The following PLXNA2 variants were observed in gnomAD, a reference collection of about 807,000 sequenced individuals.
PLXNA2 encodes plexin A2.
Under a neutral mutation model 193.5 loss-of-function variants are expected in PLXNA2, and 91 were observed. The ratio of observed to expected loss-of-function variants is 0.47; its 90% CI spans 0.40 to 0.56. The LOEUF (loss-of-function observed/expected upper bound fraction) is 0.56, where lower values mean the gene tolerates loss of function less well. Among genes scored for constraint, PLXNA2 ranks in the 20% least tolerant of loss-of-function variants. The pLI, the probability that PLXNA2 is intolerant of heterozygous loss-of-function variation, is 0.00. For synonymous variants in PLXNA2, 997 were observed against 1,027.3 expected, an observed-to-expected ratio of 0.97 and a Z score of 0.56; for missense variants, 1,995 against 2,503.2, an observed-to-expected ratio of 0.80 and a Z score of 4.33.
In PLXNA2 at chr1:208,027,027, C is replaced by T. The variant is rs1664361376; in HGVS notation, c.*216G>A. On this transcript the variant is annotated 3_prime_UTR_variant, in exon 32 of 32. Transcript: ENST00000367033. ...GGCCCCGGGTTCTCTGGTGTTCTCA[C>T]TGAGGATGGACGACGCCCACTGTCT... 1 of 497,738 alleles carries T rather than the reference C, an allele frequency of 2.0e-6. No homozygotes were observed. The highest frequency in any genetic ancestry group is 3.6e-6 in the Non-Finnish European group (1 of 276,428). 30.8% of individuals were successfully genotyped at this position (497,738 alleles called of 1,614,324 possible).
intron 1 of PLXNA2, among the ~76,000 whole-genome samples, chr1:208,227,749 G>A (rs1204448812): frequency 1.3e-5 from 2 of 152,116 alleles, no homozygotes; most frequent in African/African-American, 2.4e-5. Context: ...GCCTTTCAGA[G>A]CAATTCCAAA....
chr1:208,081,223 A>G (rs1156917662), intron 11 of PLXNA2, among the ~76,000 whole-genome samples: 7 of 152,216 alleles, frequency 4.6e-5, no homozygotes, highest in Admixed American at 4.6e-4. Context: ...ATGAGGAGAA[A>G]TAGAAAAAAA....
At chr1:208,211,689 T>G (rs1670958121) in intron 2 of PLXNA2, among the ~76,000 whole-genome samples, 1 of 95,054 alleles carries the variant, frequency 1.1e-5, no homozygotes, top group Non-Finnish European at 2.4e-5. Context: ...CGAGACTCCG[T>G]CTCAAAAAAA....
At chr1:208,072,044 A>C (rs1665994593) in intron 12 of PLXNA2, among the ~76,000 whole-genome samples, 1 of 152,274 alleles carries the variant, frequency 6.6e-6, no homozygotes, top group Non-Finnish European at 1.5e-5. Context: ...AACAGGAGCC[A>C]GCAGGAGTGA....
intron 3 of PLXNA2, among the ~76,000 whole-genome samples, chr1:208,151,448 C>G (rs1349650083): frequency 6.6e-6 from 1 of 152,076 alleles, no homozygotes; most frequent in African/African-American, 2.4e-5. Flanking sequence ...GCCTTTCTCA[C>G]CAAGCTCTGG....
At chr1:208,074,909 A>G (rs537522045) in intron 12 of PLXNA2, among the ~76,000 whole-genome samples, 2 of 152,324 alleles carry the variant, frequency 1.3e-5, no homozygotes, top group Non-Finnish European at 2.9e-5. Flanking sequence ...GCTGGGGACA[A>G]GGAGGTCTGC....
At chr1:208,234,523 A>G (rs1016669752) in intron 1 of PLXNA2, among the ~76,000 whole-genome samples, 12 of 152,174 alleles carry the variant, frequency 7.9e-5, no homozygotes, top group African/African-American at 2.4e-4. Context: ...TTCTTGGCCT[A>G]CTAGAAGACA....
intron 3 of PLXNA2, among the ~76,000 whole-genome samples, chr1:208,176,822 C>T (rs1296463482): frequency 6.6e-6 from 1 of 152,226 alleles, no homozygotes; most frequent in Non-Finnish European, 1.5e-5. Flanking sequence ...CAGTGTAGCC[C>T]TAGCCTGCCT....
In PLXNA2 at chr1:208,236,306, G is replaced by T. The variant is rs1671849414; in HGVS notation, c.-81+7337C>A. Among the ~76,000 whole-genome samples, 1 of 152,214 alleles carries T rather than the reference G, an allele frequency of 6.6e-6. No homozygotes were observed. The highest frequency in any genetic ancestry group is 2.1e-4 in the South Asian group (1 of 4,832). ...GGGAAACCGGGGAGCAGTCAGGGGA[G>T]GTGGGAGGTCAGAGGCCAACGTAAT... On this transcript the variant is annotated intron_variant, in intron 1 of 31. Coordinates refer to ENST00000367033, the MANE Select transcript of PLXNA2 (RefSeq NM_025179.4). The surrounding 1 kb of genome is among the most constrained non-coding windows in gnomAD (Gnocchi z 4.4).
At chr1:208,057,492 C>G (rs551864962) in intron 13 of PLXNA2, among the ~76,000 whole-genome samples, 19 of 152,306 alleles carry the variant, frequency 1.2e-4, no homozygotes, top group Middle Eastern at 3.4e-3. Flanking sequence ...TCCTCAGGTT[C>G]TGAGAGCTAA....
At chr1:208,032,021 G>C (rs943665751) in intron 28 of PLXNA2, 2 of 985,164 alleles carry the variant, frequency 2.0e-6, no homozygotes, top group African/African-American at 3.5e-5. Context: ...GTAGGCTCAG[G>C]GTCTTTGACA....
intron 3 of PLXNA2, among the ~76,000 whole-genome samples, chr1:208,171,051 G>A (rs1013501115): frequency 1.3e-5 from 2 of 152,158 alleles, no homozygotes; most frequent in South Asian, 4.1e-4. Flanking sequence ...AATGCAGGCT[G>A]TAACGAGTGG....
rs946072804 is a variant in PLXNA2 at position 208,098,342 on chromosome 1, T to A, written c.1731+504A>T. On this transcript the variant is annotated intron_variant, in intron 6 of 31. Transcript: ENST00000367033. ...ATATTTTGGGTTGTACCTTGATAGA[T>A]AGTTAAGGGCTATTTTATTCTCTTT... Among the ~76,000 whole-genome samples, 3 of 152,200 alleles carry A rather than the reference T, an allele frequency of 2.0e-5. No homozygotes were observed. In the East Asian group the frequency reaches 5.8e-4, roughly 29 times the overall value.
chr1:208,232,996 T>C lies in PLXNA2; in HGVS notation c.-81+10647A>G, dbSNP rs368415038. 6.6e-4 allele frequency among the ~76,000 whole-genome samples: 100 copies of C among 152,358 alleles called. 2 individuals are homozygous for C. The South Asian group carries it at 0.019, about 29-fold the overall frequency. On this transcript the variant is annotated intron_variant, in intron 1 of 31. Transcript: ENST00000367033. Reference sequence around the variant, plus strand: ...TATCAGCTACGATACCTTTCTGCTCTATGCAGGAATCTCTTCTTGAGACCT... The same window carrying C: ...TATCAGCTACGATACCTTTCTGCTCCATGCAGGAATCTCTTCTTGAGACCT...
In PLXNA2 at chr1:208,024,617, C is replaced by T. The variant is rs1664284148; in HGVS notation, c.*2626G>A. ...CTTCACTCTCCACCCTCCAATTGGC[C>T]ATTGCCCCATCATTCTCCACGCTCT... is the stretch of plus-strand genomic sequence containing the variant. On this transcript the variant is annotated 3_prime_UTR_variant, in exon 32 of 32. Coordinates refer to ENST00000367033, the MANE Select transcript of PLXNA2 (RefSeq NM_025179.4). The T allele has an allele frequency of 6.6e-6, 1 of 152,378 alleles. No individual in the cohort carries two copies. Among genetic ancestry groups the T allele is most frequent in the Non-Finnish European group, 1.5e-5 (1 of 68,182 alleles). 9.4% of individuals were successfully genotyped at this position (152,378 alleles called of 1,614,324 possible). A position where few individuals can be genotyped will look rare whatever the true frequency, so the allele number is the denominator to read the frequency against.
At chr1:208,209,097 G>A (rs1670840713) in intron 3 of PLXNA2, among the ~76,000 whole-genome samples, 1 of 152,186 alleles carries the variant, frequency 6.6e-6, no homozygotes, top group South Asian at 2.1e-4. Flanking sequence ...GCAGAGTGGA[G>A]GGCACAGAAG....
At chr1:208,189,856 A>G (rs545792681) in intron 3 of PLXNA2, among the ~76,000 whole-genome samples, 1 of 152,304 alleles carries the variant, frequency 6.6e-6, no homozygotes, top group South Asian at 2.1e-4. Context: ...CACCTCCTAC[A>G]GCAGGCACTA....
intron 31 of PLXNA2, 44 bp from the exon 32 acceptor site, chr1:208,027,382 T>C: frequency 6.5e-7 from 1 of 1,526,746 alleles, no homozygotes; most frequent in Non-Finnish European, 9.0e-7. Flanking sequence ...GGACTCAGAA[T>C]AGAAGACACC....
intron 1 of PLXNA2, among the ~76,000 whole-genome samples, chr1:208,221,648 C>T (rs1179827436): frequency 6.6e-6 from 1 of 152,126 alleles, no homozygotes; most frequent in African/African-American, 2.4e-5. Flanking sequence ...ATGAAGACAG[C>T]TGACTTCAAG....
Sources: allele counts gnomAD v4.1 joint callset (sites outside exome capture counted in the v4.1 genomes callset), GRCh38; gene constraint gnomAD v4.1.1; non-coding constraint Gnocchi (gnomAD v3.1); transcripts MANE v1.5; gene names NCBI Gene and HGNC (gene_info 2026-07-23, HGNC 2026-07-21).